The following LY96 variants were observed in gnomAD, a reference collection of about 807,000 sequenced individuals.
The protein encoded by LY96 is lymphocyte antigen 96.
Under a neutral mutation model 18.9 loss-of-function variants are expected in LY96, and 18 were observed. That is an observed-to-expected ratio of 0.95 (90% CI 0.66 to 1.41). The LOEUF (loss-of-function observed/expected upper bound fraction) is 1.41, where lower values mean the gene tolerates loss of function less well. Ranked by LOEUF, LY96 falls within the 40% of genes most tolerant of loss-of-function variation. The probability of loss-of-function intolerance (pLI) is 0.00; values close to 1 mark genes in which losing one functional copy is unlikely to be tolerated. For synonymous variants in LY96, 66 were observed against 62.6 expected (o/e 1.06, Z -0.26); for missense variants, 175 against 182.4 (o/e 0.96, Z 0.23).
At chr8:74,053,005 G>A in the LY96 span, among the ~76,000 whole-genome samples, 1 of 152,174 alleles carries the variant, frequency 6.6e-6, no homozygotes, top group Non-Finnish European at 1.5e-5. Flanking sequence ...AAGTTTAACA[G>A]CACCATGTGG....
the LY96 span, among the ~76,000 whole-genome samples, chr8:74,066,544 G>A: frequency 1.9e-4 from 29 of 152,212 alleles, no homozygotes; most frequent in African/African-American, 6.3e-4. Flanking sequence ...ATTTTGTGGG[G>A]GATGGGTGTG....
At chr8:74,068,061 CAAAAAAAAAAAAA>C in the LY96 span, among the ~76,000 whole-genome samples, 2 of 36,192 alleles carry the variant, frequency 5.5e-5, no homozygotes, top group African/African-American at 2.5e-4. Flanking sequence ...AACTCTGTCT[CAAAAAAAAAAAAA>C]AAAAAAAAAA....
At chr8:73,992,836 C>CTGTGTG (rs34327741) in intron 1 of LY96, among the ~76,000 whole-genome samples, 5,278 of 141,782 alleles carry the variant, frequency 0.037, 267 homozygotes, top group African/African-American at 0.11. Context: ...AATTATGCCA[C>CTGTGTG]TGTGTGTGTG....
intron 1 of LY96, among the ~76,000 whole-genome samples, chr8:73,996,672 G>A (rs984921930): frequency 1.3e-5 from 2 of 151,378 alleles, no homozygotes; most frequent in African/African-American, 2.4e-5. Context: ...ACCCACCTTG[G>A]CCTCCTAAAG....
At chr8:74,091,837 C>T in the LY96 span, among the ~76,000 whole-genome samples, 9 of 152,294 alleles carry the variant, frequency 5.9e-5, no homozygotes, top group South Asian at 2.1e-4. Context: ...TCAAACCCTT[C>T]GACTTGCCCT....
intron 1 of LY96, among the ~76,000 whole-genome samples, chr8:73,999,782 G>A (rs1306815897): frequency 2.0e-5 from 3 of 152,110 alleles, no homozygotes; most frequent in African/African-American, 4.8e-5. Flanking sequence ...GCCTCCCAAG[G>A]TGCTGAGATT....
the LY96 span, among the ~76,000 whole-genome samples, chr8:74,045,170 A>G: frequency 6.6e-6 from 1 of 152,212 alleles, no homozygotes; most frequent in African/African-American, 2.4e-5. Flanking sequence ...ACAGAAGAAC[A>G]CTTGGTCCCT....
chr8:73,993,003 C>T (rs565065716), intron 1 of LY96, among the ~76,000 whole-genome samples: 179 of 151,442 alleles, frequency 1.2e-3, no homozygotes, highest in Non-Finnish European at 1.7e-3. Flanking sequence ...TACAGGTGTG[C>T]GCCACCACAC....
At chr8:74,043,995 C>T in the LY96 span, among the ~76,000 whole-genome samples, 1 of 152,086 alleles carries the variant, frequency 6.6e-6, no homozygotes, top group Non-Finnish European at 1.5e-5. Flanking sequence ...ATCTCAAATT[C>T]ATGGGCTAAA....
chr8:74,042,374 A>T, the LY96 span, among the ~76,000 whole-genome samples: 1 of 152,250 alleles, frequency 6.6e-6, no homozygotes, highest in Admixed American at 6.5e-5. Flanking sequence ...ACAAAAAATT[A>T]GTCAGACATG....
the LY96 span, among the ~76,000 whole-genome samples, chr8:74,047,508 G>A: frequency 1.3e-5 from 2 of 152,138 alleles, no homozygotes; most frequent in South Asian, 2.1e-4. Flanking sequence ...TGAAAGTTGT[G>A]TAAAGCATCA....
chr8:73,996,818 C>T (rs1816158170), intron 1 of LY96, among the ~76,000 whole-genome samples: 1 of 152,120 alleles, frequency 6.6e-6, no homozygotes, highest in South Asian at 2.1e-4. Context: ...AATCTTGGCT[C>T]ACAGCAGTCT....
At chr8:74,035,164 TAA>T in the LY96 span, among the ~76,000 whole-genome samples, 1 of 152,242 alleles carries the variant, frequency 6.6e-6, no homozygotes, top group Non-Finnish European at 1.5e-5. Context: ...AAGTTAAAGA[TAA>T]GTCAGTTTTG....
intron 1 of LY96, among the ~76,000 whole-genome samples, chr8:73,996,465 C>G (rs1045385689): frequency 1.4e-4 from 20 of 146,688 alleles, no homozygotes; most frequent in African/African-American, 4.8e-4. Context: ...CTTGCTGTGT[C>G]ACTGAGGCTG....
At chr8:74,069,049 G>T in the LY96 span, among the ~76,000 whole-genome samples, 1 of 152,210 alleles carries the variant, frequency 6.6e-6, no homozygotes, top group Non-Finnish European at 1.5e-5. Context: ...GCCTCCCAAA[G>T]TGCTGGGATT....
At chr8:74,083,242 T>C in the LY96 span, among the ~76,000 whole-genome samples, 1 of 152,210 alleles carries the variant, frequency 6.6e-6, no homozygotes. Flanking sequence ...TGAGACGTAG[T>C]CTTGTTCTGT....
the LY96 span, among the ~76,000 whole-genome samples, chr8:74,068,077 A>ATATATATATATATATATATAT: frequency 3.0e-5 from 3 of 98,460 alleles, no homozygotes; most frequent in African/African-American, 1.9e-4. Flanking sequence ...AAAAAAAAAA[A>ATATATATATATATATATATAT]AAAAAAAAAA....
At chr8:74,049,309 C>T in the LY96 span, among the ~76,000 whole-genome samples, 45,060 of 152,090 alleles carry the variant, frequency 0.3, 8,828 homozygotes, top group African/African-American at 0.56. Flanking sequence ...CCATACCACT[C>T]GTGATTGCCT....
In LY96 at chr8:74,026,795, T is replaced by C. The variant is rs778157306; in HGVS notation, c.338T>C (p.Val113Ala). 1 of 1,533,066 alleles carries C rather than the reference T, an allele frequency of 6.5e-7. No individual in the cohort carries two copies. Among genetic ancestry groups the C allele is most frequent in the East Asian group, 2.2e-5 (1 of 44,456 alleles). 95.0% of individuals were successfully genotyped at this position (1,533,066 alleles called of 1,614,324 possible). A position where few individuals can be genotyped will look rare whatever the true frequency, so the allele number is the denominator to read the frequency against. ...SFCRALKGETVNTTISFSFKG... is the reference protein window; with the variant it reads ...SFCRALKGETANTTISFSFKG... Reference sequence around the variant, plus strand: ...TTTTATATTTTGTTTGCAGAGACTGTGAATACAACAATATCATTCTCCTTC... The same window carrying C: ...TTTTATATTTTGTTTGCAGAGACTGCGAATACAACAATATCATTCTCCTTC... The change falls in exon 4 of 5, where the codon GTG becomes GCG. Residue 113 changes from valine to alanine, a missense_variant. Val to Ala is a moderately conservative substitution (Grantham distance 64, BLOSUM62 0). Transcript: ENST00000284818.
Sources: allele counts gnomAD v4.1 joint callset (sites outside exome capture counted in the v4.1 genomes callset), GRCh38; gene constraint gnomAD v4.1.1; transcripts MANE v1.5; gene names NCBI Gene and HGNC (gene_info 2026-07-23, HGNC 2026-07-21).